CACNB2: variants seen among roughly 807,000 people sequenced by gnomAD.
The protein encoded by CACNB2 is calcium voltage-gated channel auxiliary subunit beta 2.
Under a neutral mutation model 73.3 loss-of-function variants are expected in CACNB2, and 42 were observed. The ratio of observed to expected loss-of-function variants is 0.57; its 90% CI spans 0.45 to 0.74. CACNB2 has a LOEUF of 0.74. Ranked by LOEUF, CACNB2 falls within the 30% of genes least tolerant of loss-of-function variation. The pLI, the probability that CACNB2 is intolerant of heterozygous loss-of-function variation, is 0.00. For missense variants in CACNB2, 940 were observed against 853.0 expected (o/e 1.10, Z -1.27); for synonymous variants, 348 against 310.3 (o/e 1.12, Z -1.28).
chr10:18,504,794 A>C (rs12355360), intron 5 of CACNB2, among the ~76,000 whole-genome samples: 1 of 151,924 alleles, frequency 6.6e-6, no homozygotes. Flanking sequence ...ACAGGCATGC[A>C]CCACCACGCC....
intron 3 of CACNB2, among the ~76,000 whole-genome samples, chr10:18,459,744 C>G (rs771524165): frequency 6.6e-6 from 1 of 152,188 alleles, no homozygotes; most frequent in East Asian, 1.9e-4. Context: ...CAGTGGCTCA[C>G]GCCTGTAATC....
chr10:18,267,913 T>C (rs763938382), intron 2 of CACNB2, among the ~76,000 whole-genome samples: 1 of 152,222 alleles, frequency 6.6e-6, no homozygotes, highest in Non-Finnish European at 1.5e-5. Flanking sequence ...AGTTACTTCA[T>C]CACTCTGTGC....
At chr10:18,450,494 T>G (rs765963256) in intron 3 of CACNB2, among the ~76,000 whole-genome samples, 1 of 152,094 alleles carries the variant, frequency 6.6e-6, no homozygotes, top group East Asian at 1.9e-4. Flanking sequence ...GCAGAGAAGA[T>G]GTGGGCCGTA....
intron 3 of CACNB2, among the ~76,000 whole-genome samples, chr10:18,474,261 A>C (rs897358526): frequency 3.3e-5 from 5 of 152,192 alleles, no homozygotes; most frequent in Non-Finnish European, 7.3e-5. Flanking sequence ...ATGTACAAAG[A>C]AGCCTAGGGC....
At chr10:18,184,664 T>TTTTC (rs2034062269) in intron 2 of CACNB2, among the ~76,000 whole-genome samples, 1 of 150,468 alleles carries the variant, frequency 6.6e-6, no homozygotes, top group Non-Finnish European at 1.5e-5. Flanking sequence ...TTTTTTTTTT[T>TTTTC]TTTTTTTTTT....
intron 6 of CACNB2, among the ~76,000 whole-genome samples, chr10:18,510,751 C>T (rs1423030449): frequency 6.6e-6 from 1 of 152,160 alleles, no homozygotes; most frequent in Non-Finnish European, 1.5e-5. Flanking sequence ...TTTAGGAGAG[C>T]CCTCAAAGGG....
chr10:18,198,351 T>C (rs2034720182), intron 2 of CACNB2, among the ~76,000 whole-genome samples: 1 of 152,144 alleles, frequency 6.6e-6, no homozygotes, highest in South Asian at 2.1e-4. Flanking sequence ...GTAAAGCTCA[T>C]ACCGGGGGCA....
intron 2 of CACNB2, among the ~76,000 whole-genome samples, chr10:18,174,734 T>C (rs1182030365): frequency 6.6e-6 from 1 of 152,110 alleles, no homozygotes; most frequent in Non-Finnish European, 1.5e-5. Context: ...TGAGATTTGT[T>C]CTGTTCTGCT....
chr10:18,498,732 G>C (rs1463362580), intron 4 of CACNB2: 1 of 468,040 alleles, frequency 2.1e-6, no homozygotes, highest in South Asian at 2.2e-5. Context: ...GGAACTGCTA[G>C]AGTAGATGAT....
intron 2 of CACNB2, among the ~76,000 whole-genome samples, chr10:18,262,560 C>A (rs2131603049): frequency 6.6e-6 from 1 of 152,092 alleles, no homozygotes; most frequent in South Asian, 2.1e-4. Flanking sequence ...TTTATCCAGT[C>A]AAAAAATTAA....
At chr10:18,352,352 A>G (rs947449666) in intron 2 of CACNB2, among the ~76,000 whole-genome samples, 4 of 152,224 alleles carry the variant, frequency 2.6e-5, no homozygotes, top group Admixed American at 1.3e-4. Flanking sequence ...TTTATCATAC[A>G]GGGCTATGAA....
intron 3 of CACNB2, among the ~76,000 whole-genome samples, chr10:18,404,226 A>G (rs1258886641): frequency 6.6e-6 from 1 of 152,140 alleles, no homozygotes; most frequent in Admixed American, 6.6e-5. Context: ...TGAGAATTTA[A>G]ATATGTCTCA....
intron 10 of CACNB2, among the ~76,000 whole-genome samples, chr10:18,533,801 G>T (rs1220134623): frequency 6.6e-6 from 1 of 152,150 alleles, no homozygotes; most frequent in African/African-American, 2.4e-5. Context: ...CACAAAGAAT[G>T]TCAGCAGAGA....
At chr10:18,449,878 G>T (rs2046932232) in intron 3 of CACNB2, among the ~76,000 whole-genome samples, 2 of 152,160 alleles carry the variant, frequency 1.3e-5, no homozygotes, top group Non-Finnish European at 2.9e-5. Flanking sequence ...GCCTCAGAAA[G>T]GTCACACACC....
At chr10:18,192,905 G>A (rs2131274610) in intron 2 of CACNB2, among the ~76,000 whole-genome samples, 1 of 152,168 alleles carries the variant, frequency 6.6e-6, no homozygotes, top group East Asian at 1.9e-4. Context: ...GATGGACATG[G>A]GCTGTTTTTG....
At chr10:18,397,720 C>CAAAAAAAA (rs10581390) in intron 2 of CACNB2, among the ~76,000 whole-genome samples, 1 of 91,768 alleles carries the variant, frequency 1.1e-5, no homozygotes, top group Non-Finnish European at 2.0e-5. Flanking sequence ...GACTCCGTCT[C>CAAAAAAAA]AAAAAAAAAA....
chr10:18,349,540 A>G (rs1231485708), intron 2 of CACNB2, among the ~76,000 whole-genome samples: 4 of 152,164 alleles, frequency 2.6e-5, no homozygotes, highest in African/African-American at 9.7e-5. Context: ...AAATGCCATT[A>G]AAATTGATGA....
At chr10:18,380,905 A>C (rs936877364) in intron 2 of CACNB2, among the ~76,000 whole-genome samples, 3 of 152,122 alleles carry the variant, frequency 2.0e-5, no homozygotes, top group Non-Finnish European at 4.4e-5. Context: ...TAGACTTTTC[A>C]CCATGCGATC....
chr10:18,231,932 C>A (rs1178005951), intron 2 of CACNB2, among the ~76,000 whole-genome samples: 4 of 152,212 alleles, frequency 2.6e-5, no homozygotes, highest in African/African-American at 9.6e-5. Context: ...GTGATAAAAT[C>A]TGTATAAATA....
Sources: allele counts gnomAD v4.1 joint callset (sites outside exome capture counted in the v4.1 genomes callset), GRCh38; gene constraint gnomAD v4.1.1; transcripts MANE v1.5; gene names NCBI Gene and HGNC (gene_info 2026-07-23, HGNC 2026-07-21).